The following NIBAN1 variants were observed in gnomAD, a reference collection of about 807,000 sequenced individuals.
NIBAN1 encodes protein Niban 1.
A neutral mutation model predicts 75.1 loss-of-function variants in NIBAN1; 81 were observed. That is an observed-to-expected ratio of 1.08 (90% CI 0.90 to 1.30). NIBAN1 has a LOEUF of 1.30. Ranked by LOEUF, NIBAN1 falls within the 50% of genes most tolerant of loss-of-function variation. The pLI is 0.00. For synonymous variants in NIBAN1, 436 were observed against 424.8 expected (o/e 1.03, Z -0.32); for missense variants, 1,133 against 1,128.1 (o/e 1.00, Z -0.06).
chr1:184,835,200 G>A (rs1179507114), intron 5 of NIBAN1, among the ~76,000 whole-genome samples: 1 of 152,118 alleles, frequency 6.6e-6, no homozygotes, highest in Non-Finnish European at 1.5e-5. Context: ...CCATTGAGCT[G>A]TATCTCTGTT....
intron 1 of NIBAN1, among the ~76,000 whole-genome samples, chr1:184,900,981 T>C (rs537432880): frequency 1.3e-5 from 2 of 152,338 alleles, no homozygotes; most frequent in African/African-American, 2.4e-5. Flanking sequence ...AGAGCTATCA[T>C]GTGGGTTAAA....
chr1:184,945,089 G>A (rs991454387), intron 1 of NIBAN1, among the ~76,000 whole-genome samples: 2 of 152,216 alleles, frequency 1.3e-5, no homozygotes, highest in Non-Finnish European at 2.9e-5. Context: ...ATACAATGCT[G>A]GCACAGAGGC....
chr1:184,924,792 T>C (rs1452691297), intron 1 of NIBAN1, among the ~76,000 whole-genome samples: 3 of 152,182 alleles, frequency 2.0e-5, no homozygotes, highest in African/African-American at 7.2e-5. Context: ...TATCCATTTC[T>C]CTTAGGTTTT....
intron 5 of NIBAN1, among the ~76,000 whole-genome samples, chr1:184,870,119 T>C (rs775248627): frequency 2.6e-5 from 4 of 152,312 alleles, no homozygotes; most frequent in South Asian, 4.1e-4. Context: ...ATTTTAAAAG[T>C]CTCTTCCCCC....
chr1:184,929,319 C>T (rs1425327385), intron 1 of NIBAN1, among the ~76,000 whole-genome samples: 2 of 152,096 alleles, frequency 1.3e-5, no homozygotes, highest in African/African-American at 4.8e-5. Context: ...ACAACTACCA[C>T]ACAATCATGA....
chr1:184,903,927 A>T, intron 1 of NIBAN1, among the ~76,000 whole-genome samples: 1 of 146,492 alleles, frequency 6.8e-6, no homozygotes. Context: ...ACACAGTTTC[A>T]CTCTTATCCC....
At chr1:184,799,233 C>T (rs1653962497) in intron 12 of NIBAN1, among the ~76,000 whole-genome samples, 1 of 151,638 alleles carries the variant, frequency 6.6e-6, no homozygotes, top group African/African-American at 2.4e-5. Flanking sequence ...TGATGTTCCC[C>T]TTCCTGTGTC....
chr1:184,896,765 A>G (rs1262735266), intron 2 of NIBAN1, among the ~76,000 whole-genome samples: 1 of 152,158 alleles, frequency 6.6e-6, no homozygotes, highest in African/African-American at 2.4e-5. Flanking sequence ...GCATATGACT[A>G]GCCAGTTTTC....
intron 6 of NIBAN1, among the ~76,000 whole-genome samples, chr1:184,829,841 C>T (rs1019581915): frequency 3.3e-5 from 5 of 152,108 alleles, no homozygotes; most frequent in Non-Finnish European, 7.4e-5. Context: ...AAAAGTGAAG[C>T]AAGTGGCATA....
chr1:184,973,029 C>A (rs1571616708), intron 1 of NIBAN1, among the ~76,000 whole-genome samples: 1 of 152,364 alleles, frequency 6.6e-6, no homozygotes, highest in African/African-American at 2.4e-5. Flanking sequence ...GTAACACAAG[C>A]ATGTAGCCAC....
At chr1:184,929,363 C>G (rs1657764681) in intron 1 of NIBAN1, among the ~76,000 whole-genome samples, 1 of 152,094 alleles carries the variant, frequency 6.6e-6, no homozygotes, top group African/African-American at 2.4e-5. Context: ...AAAACCCAAT[C>G]TTAAAAAAAC....
At chr1:184,852,752 T>G (rs1395800838) in intron 5 of NIBAN1, among the ~76,000 whole-genome samples, 1 of 152,220 alleles carries the variant, frequency 6.6e-6, no homozygotes, top group Non-Finnish European at 1.5e-5. Context: ...TACCTTCTCC[T>G]TTTCTTCCCG....
chr1:184,810,980 G>A (rs1162909856), intron 9 of NIBAN1, among the ~76,000 whole-genome samples: 4 of 152,158 alleles, frequency 2.6e-5, no homozygotes, highest in Admixed American at 6.5e-5. Context: ...GCTGGGGATC[G>A]CGGTAAGCTC....
At chr1:184,884,003 G>A (rs1656443783) in intron 5 of NIBAN1, among the ~76,000 whole-genome samples, 1 of 152,186 alleles carries the variant, frequency 6.6e-6, no homozygotes, top group South Asian at 2.1e-4. Context: ...AAGAAGGAGA[G>A]TGAAGTATAT....
intron 1 of NIBAN1, among the ~76,000 whole-genome samples, chr1:184,934,503 C>G (rs1010496890): frequency 6.6e-6 from 1 of 152,206 alleles, no homozygotes; most frequent in Non-Finnish European, 1.5e-5. Context: ...GGGGCTCACA[C>G]CTGTAATCGC....
chr1:184,919,681 C>G (rs1432325347), intron 1 of NIBAN1, among the ~76,000 whole-genome samples: 1 of 152,014 alleles, frequency 6.6e-6, no homozygotes, highest in Non-Finnish European at 1.5e-5. Flanking sequence ...GTACTTTGGA[C>G]TTGTCTCTAT....
chr1:184,902,307 T>A (rs932104922), intron 1 of NIBAN1, among the ~76,000 whole-genome samples: 1 of 152,132 alleles, frequency 6.6e-6, no homozygotes, highest in African/African-American at 2.4e-5. Context: ...TCAAATCCCA[T>A]CTCTACTACT....
At chr1:184,880,192 TC>T (rs1656340971) in intron 5 of NIBAN1, among the ~76,000 whole-genome samples, 1 of 152,162 alleles carries the variant, frequency 6.6e-6, no homozygotes, top group Non-Finnish European at 1.5e-5. Context: ...GTTCCTCTGT[TC>T]CCCCAAATCC....
At chr1:184,894,013 A>G (rs1656735978) in intron 3 of NIBAN1, 62 bp downstream of exon 3, 1 of 1,509,526 alleles carries the variant, frequency 6.6e-7, no homozygotes, top group Non-Finnish European at 8.8e-7. Flanking sequence ...GGGCACACCA[A>G]TCAACCGAGC....
Sources: gnomAD v4.1 joint callset for allele counts (sites outside exome capture counted in the v4.1 genomes callset) on GRCh38, gnomAD v4.1.1 for gene constraint, MANE v1.5 for transcripts, NCBI Gene and HGNC (gene_info 2026-07-23, HGNC 2026-07-21) for gene names.